Variants in AGAP3 observed in about 807,000 individuals in gnomAD.
AGAP3 encodes the protein arf-GAP with GTPase, ANK repeat and PH domain-containing protein 3.
AGAP3 carries 24 observed loss-of-function variants against 96.9 expected under a neutral mutation model. The observed-to-expected ratio is 0.25, with a 90% CI of 0.18 to 0.35. AGAP3 has a LOEUF of 0.35. AGAP3 is among the 10% of genes least tolerant of loss of function. The pLI is 1.00. For synonymous variants in AGAP3, 563 were observed against 536.1 expected, an observed-to-expected ratio of 1.05 and a Z score of -0.69; for missense variants, 876 against 1,254.2, an observed-to-expected ratio of 0.70 and a Z score of 4.55.
intron 2 of AGAP3, 109 bp downstream of exon 2, chr7:151,116,960 CT>C: frequency 1.3e-6 from 2 of 1,519,594 alleles, no homozygotes; most frequent in Non-Finnish European, 1.8e-6. Context: ...CTCTGCTCAG[CT>C]TGGCCCTCTC....
intron 8 of AGAP3, chr7:151,120,459 A>T: frequency 3.0e-6 from 2 of 660,490 alleles, no homozygotes; most frequent in Non-Finnish European, 5.4e-6. Flanking sequence ...GGTGTCTGTG[A>T]GCTTGAAAGT....
At position 151,123,899 on chromosome 7, in the gene AGAP3, CTTCCCGT is replaced by C; in HGVS notation, c.1221+14_1221+20del. On this transcript the variant is annotated intron_variant, in intron 9 of 17. Coordinates refer to ENST00000397238, the MANE Select transcript of AGAP3 (RefSeq NM_031946.7). ...CCCCATCAAGCAGGTCAGCGCCTCC[CTTCCCGT>C]GTGCTCCAGGGCTCAGAATGAGGCC... is the stretch of plus-strand genomic sequence containing the variant. 1 of 1,602,296 alleles carries C rather than the reference CTTCCCGT, an allele frequency of 6.2e-7. No homozygotes were observed. Among genetic ancestry groups the C allele is most frequent in the East Asian group, 2.2e-5 (1 of 44,836 alleles).
At chr7:151,123,747 C>T (rs758386747) in intron 8 of AGAP3, 47 bp from the exon 9 acceptor site, 6 of 1,605,604 alleles carry the variant, frequency 3.7e-6, no homozygotes, top group African/African-American at 1.3e-5. Context: ...GGGCAGCTCT[C>T]GGCAGACCCT....
In AGAP3 at chr7:151,143,837, A is replaced by T; in HGVS notation, c.2630A>T (p.His877Leu). The change falls in exon 18 of 18, where the codon CAT (histidine) becomes CTT (leucine). Residue 877 changes from histidine (H) to leucine (L), a missense_variant. By Grantham distance (99) the His-to-Leu change is moderately conservative (BLOSUM62 -3). Coordinates refer to ENST00000397238, the MANE Select transcript of AGAP3 (RefSeq NM_031946.7). The surrounding 1 kb of genome is among the most constrained non-coding windows in gnomAD (Gnocchi z 5.9). ...GAGTGTGCAGACATCTTGATCCAGC[A>T]TGGCTGCCCTGGGGAGGGCTGTGGC... ...SQECADILIQ[H>L]GCPGEGCGLA... 6.2e-7 allele frequency: 1 copy of T among 1,614,032 alleles called. No individual in the cohort carries two copies. The highest frequency in any genetic ancestry group is 2.2e-5 in the East Asian group (1 of 44,880).
chr7:151,097,069 G>C (rs1472598802), intron 1 of AGAP3, among the ~76,000 whole-genome samples: 2 of 150,486 alleles, frequency 1.3e-5, no homozygotes, highest in East Asian at 4.0e-4. Flanking sequence ...ACAGGCGTGA[G>C]TGAGCCACCG....
chr7:151,098,379 A>G (rs1226500978), intron 1 of AGAP3, among the ~76,000 whole-genome samples: 1 of 151,600 alleles, frequency 6.6e-6, no homozygotes, highest in Non-Finnish European at 1.5e-5. Flanking sequence ...ATACAAACAC[A>G]CACATATACA....
chr7:151,126,117 GT>G (rs1800155629), intron 9 of AGAP3, among the ~76,000 whole-genome samples: 1 of 151,282 alleles, frequency 6.6e-6, no homozygotes, highest in Non-Finnish European at 1.5e-5. Flanking sequence ...GCTAACGAGC[GT>G]CATTACAGCG....
At chr7:151,138,371 G>A (rs1800688487) in intron 12 of AGAP3, 58 bp downstream of exon 12, 4 of 1,531,140 alleles carry the variant, frequency 2.6e-6, no homozygotes, top group South Asian at 2.5e-5. Flanking sequence ...CAGAGAGGAG[G>A]GGAACTGGGC....
At chr7:151,138,576 G>A (rs922655772) in intron 12 of AGAP3, among the ~76,000 whole-genome samples, 4 of 152,182 alleles carry the variant, frequency 2.6e-5, no homozygotes, top group African/African-American at 9.7e-5. Context: ...CCATCTGCCT[G>A]CAGCCCTGCC....
At chr7:151,104,077 AG>A (rs1798940747) in intron 1 of AGAP3, among the ~76,000 whole-genome samples, 1 of 152,156 alleles carries the variant, frequency 6.6e-6, no homozygotes, top group South Asian at 2.1e-4. Context: ...AGTAGTCTGT[AG>A]GGGTGATCAT....
intron 9 of AGAP3, among the ~76,000 whole-genome samples, chr7:151,125,776 A>C (rs1034947449): frequency 6.6e-6 from 1 of 152,070 alleles, no homozygotes; most frequent in African/African-American, 2.4e-5. Flanking sequence ...TGGAGATTGC[A>C]TTTCAGTTGC....
intron 8 of AGAP3, chr7:151,123,194 G>T: frequency 9.6e-7 from 1 of 1,036,596 alleles, no homozygotes; most frequent in Non-Finnish European, 1.2e-6. Context: ...TGCTCCGGAA[G>T]CCGCCGCCGC....
intron 1 of AGAP3, among the ~76,000 whole-genome samples, chr7:151,107,348 G>C (rs1331532529): frequency 6.6e-6 from 1 of 151,160 alleles, no homozygotes; most frequent in Non-Finnish European, 1.5e-5. Context: ...TTGGGGCCAG[G>C]CACGATGGCT....
intron 10 of AGAP3, among the ~76,000 whole-genome samples, chr7:151,131,589 T>C (rs138406041): frequency 1.9e-3 from 283 of 152,334 alleles, no homozygotes; most frequent in African/African-American, 6.4e-3. Context: ...TTCTCTCCAC[T>C]GTCCTCTGGG....
chr7:151,123,392 T>C, intron 8 of AGAP3: 2 of 1,076,260 alleles, frequency 1.9e-6, no homozygotes, highest in Non-Finnish European at 2.3e-6. Context: ...GTGGTGTCTG[T>C]GCCGCAGACG....
intron 1 of AGAP3, 91 bp from the exon 2 acceptor site, chr7:151,116,702 G>A: frequency 6.9e-7 from 1 of 1,454,982 alleles, no homozygotes; most frequent in Non-Finnish European, 9.6e-7. Context: ...GCCTGGGCTT[G>A]GGGAGGGCAT....
chr7:151,094,941 C>T (rs1207325099), intron 1 of AGAP3, among the ~76,000 whole-genome samples: 1 of 151,796 alleles, frequency 6.6e-6, no homozygotes, highest in African/African-American at 2.4e-5. Context: ...GTGACGCGAT[C>T]GTAGCTCACT....
intron 8 of AGAP3, among the ~76,000 whole-genome samples, chr7:151,122,541 C>T (rs1467711701): frequency 6.6e-6 from 1 of 151,646 alleles, no homozygotes; most frequent in Admixed American, 6.6e-5. Context: ...TCCTGGTCCT[C>T]CTCCTTCTCC....
At chr7:151,105,992 GT>G (rs1799041260) in intron 1 of AGAP3, among the ~76,000 whole-genome samples, 1 of 151,562 alleles carries the variant, frequency 6.6e-6, no homozygotes, top group African/African-American at 2.4e-5. Flanking sequence ...CCAATCTGAG[GT>G]TTAATGGGTT....
Sources: allele counts gnomAD v4.1 joint callset (sites outside exome capture counted in the v4.1 genomes callset), GRCh38; gene constraint gnomAD v4.1.1; non-coding constraint Gnocchi (gnomAD v3.1); transcripts MANE v1.5; gene names NCBI Gene and HGNC (gene_info 2026-07-23, HGNC 2026-07-21).